MYRIP: variants seen among roughly 807,000 people sequenced by gnomAD.
MYRIP encodes the protein rab effector MyRIP.
A neutral mutation model predicts 98.0 loss-of-function variants in MYRIP; 49 were observed. The ratio of observed to expected loss-of-function variants is 0.50; its 90% CI spans 0.40 to 0.63. The LOEUF is 0.63. Ranked by LOEUF, MYRIP falls within the 30% of genes least tolerant of loss-of-function variation. The probability of loss-of-function intolerance (pLI) is 0.00; values close to 1 mark genes in which losing one functional copy is unlikely to be tolerated. For missense variants in MYRIP, 1,004 were observed against 1,058.2 expected (o/e 0.95, Z 0.71); for synonymous variants, 404 against 409.5 (o/e 0.99, Z 0.16).
At chr3:39,820,761 G>A (rs1559485447) in intron 1 of MYRIP, among the ~76,000 whole-genome samples, 1 of 152,150 alleles carries the variant, frequency 6.6e-6, no homozygotes, top group East Asian at 1.9e-4. Flanking sequence ...CAATTTTTCA[G>A]CTCTGTGGTC....
At chr3:40,005,863 C>CAT (rs933839373) in intron 2 of MYRIP, among the ~76,000 whole-genome samples, 1 of 152,034 alleles carries the variant, frequency 6.6e-6, no homozygotes, top group African/African-American at 2.4e-5. Flanking sequence ...TGCATGCACA[C>CAT]ATATATATAA....
chr3:39,879,490 ATTGAG>A (rs1943106087), intron 1 of MYRIP, among the ~76,000 whole-genome samples: 1 of 151,858 alleles, frequency 6.6e-6, no homozygotes, highest in South Asian at 2.1e-4. Flanking sequence ...CCTAAAGTGT[ATTGAG>A]TTTTCTTTTT....
At chr3:39,868,472 G>A (rs1222933418) in intron 1 of MYRIP, among the ~76,000 whole-genome samples, 3 of 152,120 alleles carry the variant, frequency 2.0e-5, no homozygotes, top group East Asian at 1.9e-4. Context: ...GAGATTCAGA[G>A]TTCTTTGTGT....
chr3:40,194,087 G>T lies in MYRIP; in HGVS notation c.1665+3624G>T, dbSNP rs553109562. On this transcript the variant is annotated intron_variant, in intron 10 of 16. Transcript: ENST00000302541. ...TCATAATAATTTATCAATTATTTTT[G>T]GTTACTATCAGTTATTTCCTTTATT... is the stretch of plus-strand genomic sequence containing the variant. 4.0e-4 allele frequency among the ~76,000 whole-genome samples: 61 copies of T among 151,764 alleles called. No individual in the cohort carries two copies. The East Asian group carries it at 0.011, about 27-fold the overall frequency.
chr3:40,170,288 C>G (rs1372484903), intron 8 of MYRIP, among the ~76,000 whole-genome samples, 195 bp downstream of exon 8: 1 of 152,010 alleles, frequency 6.6e-6, no homozygotes, highest in African/African-American at 2.4e-5. Flanking sequence ...CACAAATGGT[C>G]TATTGATAAT....
chr3:40,122,580 A>G (rs933141945), intron 3 of MYRIP, among the ~76,000 whole-genome samples: 1 of 151,864 alleles, frequency 6.6e-6, no homozygotes, highest in African/African-American at 2.4e-5. Context: ...TAATCTGTAT[A>G]TGTATGAGTT....
chr3:40,151,080 A>G lies in MYRIP; in HGVS notation c.365A>G (p.Tyr122Cys). ...LLRAQSLEWF[Y>C]NNVKSRFKRF... is the part of the protein sequence containing the mutation. ...AGGGCCCAATCTCTGGAATGGTTCT[A>G]CAATAATGTGAAGAGCCGCTTCAAG... Residue 122 changes from tyrosine to cysteine, a missense_variant, in exon 4 of 17, where the codon TAC (tyrosine) becomes TGC (cysteine). By Grantham distance (194) the Tyr-to-Cys change is radical. Around this residue, in one of 3 missense-constraint regions of MYRIP, gnomAD observed 880 missense variants for 907.7 expected, o/e 0.97. Coordinates refer to ENST00000302541, the MANE Select transcript of MYRIP (RefSeq NM_015460.4). 1 of 1,608,742 alleles carries G rather than the reference A, an allele frequency of 6.2e-7. No homozygotes were observed. The highest frequency in any genetic ancestry group is 8.5e-7 in the Non-Finnish European group (1 of 1,177,136).
intron 2 of MYRIP, among the ~76,000 whole-genome samples, chr3:39,914,178 T>C (rs1173404701): frequency 6.6e-6 from 1 of 152,140 alleles, no homozygotes; most frequent in Non-Finnish European, 1.5e-5. Flanking sequence ...ATCGCACAGG[T>C]TACAGTACAA....
chr3:40,001,463 G>C (rs1373524237), intron 2 of MYRIP, among the ~76,000 whole-genome samples: 1 of 152,214 alleles, frequency 6.6e-6, no homozygotes, highest in African/African-American at 2.4e-5. Context: ...GTGATACTGA[G>C]ACAGGGTAGG....
At position 40,151,394 on chromosome 3, in the gene MYRIP, G is replaced by C. The variant is rs570144511; in HGVS notation, c.469+210G>C. 5.3e-5 allele frequency among the ~76,000 whole-genome samples: 8 copies of C among 152,362 alleles called. No homozygotes were observed. In the South Asian group the frequency reaches 1.7e-3, roughly 32 times the overall value. On this transcript the variant is annotated intron_variant, in intron 4 of 16. Transcript: ENST00000302541. ...TGGTTCCAGCGTCCCCACTGGGCTAGAGCTTATAAGTTAGAAGCTATGAAG... is the reference window on the plus strand; with the variant it reads ...TGGTTCCAGCGTCCCCACTGGGCTACAGCTTATAAGTTAGAAGCTATGAAG...
chr3:40,075,070 A>G (rs1427733426), intron 3 of MYRIP, among the ~76,000 whole-genome samples: 6 of 152,236 alleles, frequency 3.9e-5, no homozygotes, highest in Non-Finnish European at 8.8e-5. Flanking sequence ...GTAATACAAC[A>G]AAAATGAAAA....
At chr3:40,204,086 T>G (rs1396793023) in intron 10 of MYRIP, among the ~76,000 whole-genome samples, 8 of 17,800 alleles carry the variant, frequency 4.5e-4, no homozygotes, top group African/African-American at 1.5e-3. Context: ...AATATATTTA[T>G]ATATTATATA....
chr3:39,875,918 T>G (rs1942979042), intron 1 of MYRIP, among the ~76,000 whole-genome samples: 1 of 152,074 alleles, frequency 6.6e-6, no homozygotes, highest in Non-Finnish European at 1.5e-5. Flanking sequence ...GTCTTGTTGA[T>G]CTGTCTAATG....
intron 3 of MYRIP, among the ~76,000 whole-genome samples, chr3:40,059,527 T>G (rs560705486): frequency 1.8e-4 from 27 of 152,340 alleles, no homozygotes; most frequent in Non-Finnish European, 3.4e-4. Flanking sequence ...ATTTCTCTGA[T>G]GACCATTGAT....
At chr3:39,882,452 A>G (rs1943179782) in intron 1 of MYRIP, among the ~76,000 whole-genome samples, 1 of 152,222 alleles carries the variant, frequency 6.6e-6, no homozygotes. Context: ...GAACCCACAA[A>G]TGACATTTAA....
chr3:40,172,192 C>T (rs1010367147), intron 8 of MYRIP, among the ~76,000 whole-genome samples: 3 of 152,310 alleles, frequency 2.0e-5, no homozygotes, highest in East Asian at 1.9e-4. Context: ...AATGGTGAAA[C>T]ATGCCATAAA....
chr3:39,998,815 G>T (rs1360950310), intron 2 of MYRIP, among the ~76,000 whole-genome samples: 2 of 152,164 alleles, frequency 1.3e-5, no homozygotes, highest in Admixed American at 1.3e-4. Context: ...GCATGGTACT[G>T]GTACCAAAAC....
At chr3:40,136,508 T>G (rs886136006) in intron 3 of MYRIP, among the ~76,000 whole-genome samples, 1 of 152,150 alleles carries the variant, frequency 6.6e-6, no homozygotes, top group African/African-American at 2.4e-5. Flanking sequence ...ATCCACGACT[T>G]GAACTCAGCT....
At chr3:40,024,735 C>A (rs1947083989) in intron 2 of MYRIP, among the ~76,000 whole-genome samples, 1 of 152,136 alleles carries the variant, frequency 6.6e-6, no homozygotes. Context: ...AAGATACCCT[C>A]ACTGGTTATT....
Sources: gnomAD v4.1 joint callset for allele counts (sites outside exome capture counted in the v4.1 genomes callset) on GRCh38, gnomAD v4.1.1 for gene constraint, gnomAD v4.1.1 regional missense constraint, MANE v1.5 for transcripts, NCBI Gene and HGNC (gene_info 2026-07-23, HGNC 2026-07-21) for gene names.